The following SNX8 variants were observed in gnomAD, a reference collection of about 807,000 sequenced individuals.
SNX8 encodes the protein sorting nexin-8.
In SNX8, 25 loss-of-function variants were observed where a neutral mutation model predicts 51.6. That is an observed-to-expected ratio of 0.48 (90% CI 0.35 to 0.68). The LOEUF (loss-of-function observed/expected upper bound fraction) is 0.68, where lower values mean the gene tolerates loss of function less well. SNX8 is among the 30% of genes least tolerant of loss of function. The probability of loss-of-function intolerance (pLI) is 0.00; values close to 1 mark genes in which losing one functional copy is unlikely to be tolerated. For synonymous variants in SNX8, 324 were observed against 277.0 expected, an observed-to-expected ratio of 1.17 and a Z score of -1.68; for missense variants, 695 against 624.0, an observed-to-expected ratio of 1.11 and a Z score of -1.21.
At chr7:2,261,373 C>CA (rs1367720928) in intron 7 of SNX8, among the ~76,000 whole-genome samples, 1 of 152,126 alleles carries the variant, frequency 6.6e-6, no homozygotes, top group Non-Finnish European at 1.5e-5. Context: ...GCAGAGGTTG[C>CA]AGTGAGCCGA....
chr7:2,341,162 C>T (rs1282479895), intron 1 of SNX8, among the ~76,000 whole-genome samples: 1 of 142,254 alleles, frequency 7.0e-6, no homozygotes, highest in Non-Finnish European at 1.5e-5. Flanking sequence ...TCCAGATCTT[C>T]TCTTAAAAAA....
intron 2 of SNX8, among the ~76,000 whole-genome samples, chr7:2,276,937 C>A (rs150591719): frequency 3.3e-5 from 5 of 152,150 alleles, no homozygotes; most frequent in Non-Finnish European, 5.9e-5. Context: ...AGAGCAATAC[C>A]CTGTCTCTTT....
chr7:2,320,807 G>A (rs1400533727), intron 1 of SNX8, among the ~76,000 whole-genome samples: 1 of 151,930 alleles, frequency 6.6e-6, no homozygotes. Flanking sequence ...GATCACCTGA[G>A]GTCAGGAGTT....
chr7:2,255,191 C>CAAG (rs1386134791), intron 10 of SNX8, 22 bp from the exon 11 acceptor site: 1 of 1,452,612 alleles, frequency 6.9e-7, no homozygotes, highest in African/African-American at 1.4e-5. Flanking sequence ...GCGAAGAGAA[C>CAAG]AAGATCAGCA....
At chr7:2,255,214 G>A (rs1418627350) in intron 10 of SNX8, 45 bp from the exon 11 acceptor site, 2 of 1,267,678 alleles carry the variant, frequency 1.6e-6, no homozygotes, top group Non-Finnish European at 1.1e-6. Context: ...CGGGGCCGGG[G>A]CTCCTCCTCA....
At chr7:2,336,957 C>T (rs914620508) in intron 1 of SNX8, among the ~76,000 whole-genome samples, 2 of 151,370 alleles carry the variant, frequency 1.3e-5, no homozygotes, top group African/African-American at 2.4e-5. Context: ...TGCAGTGAGC[C>T]GAGACTGCGT....
chr7:2,323,732 C>T (rs570624926), intron 1 of SNX8, among the ~76,000 whole-genome samples: 29 of 152,218 alleles, frequency 1.9e-4, no homozygotes, highest in Non-Finnish European at 3.7e-4. Flanking sequence ...CCTGGCACGC[C>T]AGAAGCCAGG....
intron 7 of SNX8, 119 bp from the exon 8 acceptor site, chr7:2,257,922 C>T: frequency 3.3e-6 from 3 of 904,996 alleles, no homozygotes; most frequent in Non-Finnish European, 3.5e-6. Context: ...GACGGGCTCC[C>T]CAGGACCACC....
chr7:2,269,280 C>T (rs1046452413), intron 5 of SNX8, among the ~76,000 whole-genome samples: 4 of 151,300 alleles, frequency 2.6e-5, no homozygotes, highest in Non-Finnish European at 5.9e-5. Context: ...AAGGGCGGTG[C>T]AGGATGTGCT....
chr7:2,269,687 A>C, intron 4 of SNX8, 48 bp from the exon 5 acceptor site: 1 of 1,322,064 alleles, frequency 7.6e-7, no homozygotes, highest in South Asian at 1.3e-5. Context: ...TAGCAGCAAG[A>C]AAGCTGCTGT....
chr7:2,328,407 G>C (rs1583115481), intron 1 of SNX8, among the ~76,000 whole-genome samples: 1 of 152,174 alleles, frequency 6.6e-6, no homozygotes, highest in East Asian at 1.9e-4. Context: ...GCCCAGGCTG[G>C]TCTTCAACTC....
intron 1 of SNX8, among the ~76,000 whole-genome samples, chr7:2,327,246 CTTTTT>C (rs1778637717): frequency 2.0e-5 from 3 of 151,738 alleles, no homozygotes; most frequent in South Asian, 2.1e-4. Flanking sequence ...CTTTTATTTT[CTTTTT>C]TGTTTTGAGA....
At chr7:2,339,340 G>A (rs1380149585) in intron 1 of SNX8, among the ~76,000 whole-genome samples, 1 of 152,022 alleles carries the variant, frequency 6.6e-6, no homozygotes, top group Admixed American at 6.6e-5. Flanking sequence ...CGAGTAGCTG[G>A]GACTACAGGC....
rs557516079 is a variant in SNX8 at position 2,272,743 on chromosome 7, G to A, written c.419-772C>T. Among the ~76,000 whole-genome samples the A allele has an allele frequency of 5.9e-5, 9 of 152,104 alleles. No homozygotes were observed. In the East Asian group the frequency reaches 1.2e-3, roughly 20 times the overall value. On this transcript the variant is annotated intron_variant, in intron 3 of 10. Coordinates refer to ENST00000222990, the MANE Select transcript of SNX8 (RefSeq NM_013321.4). ...ATGCAATTACTCATTGCTTTCATTC[G>A]GGTTAAATATTTTCACTCCAAGGGG...
At chr7:2,339,449 T>C (rs1490803027) in intron 1 of SNX8, among the ~76,000 whole-genome samples, 1 of 150,738 alleles carries the variant, frequency 6.6e-6, no homozygotes. Flanking sequence ...GACCTCATGA[T>C]CCACCCACCC....
At chr7:2,306,915 G>A (rs1201353162) in intron 1 of SNX8, among the ~76,000 whole-genome samples, 1 of 152,094 alleles carries the variant, frequency 6.6e-6, no homozygotes, top group Non-Finnish European at 1.5e-5. Flanking sequence ...TAACGTAACT[G>A]GGCTTCTTGA....
intron 3 of SNX8, among the ~76,000 whole-genome samples, chr7:2,274,207 G>C (rs936847511): frequency 6.6e-6 from 1 of 152,196 alleles, no homozygotes; most frequent in South Asian, 2.1e-4. Context: ...CTTCACATGC[G>C]GCGGGGTGAA....
intron 3 of SNX8, among the ~76,000 whole-genome samples, chr7:2,274,351 C>T (rs115746535): frequency 4.6e-4 from 70 of 152,362 alleles, no homozygotes; most frequent in African/African-American, 1.6e-3. Flanking sequence ...CCGTCCAGGA[C>T]ACGGTGACTG....
chr7:2,271,167 C>A (rs553751782), intron 4 of SNX8, among the ~76,000 whole-genome samples: 1 of 152,362 alleles, frequency 6.6e-6, no homozygotes, highest in Non-Finnish European at 1.5e-5. Flanking sequence ...CCTCAGCCTC[C>A]CAAGTGACTG....
Sources: allele counts gnomAD v4.1 joint callset (sites outside exome capture counted in the v4.1 genomes callset), GRCh38; gene constraint gnomAD v4.1.1; transcripts MANE v1.5; gene names NCBI Gene and HGNC (gene_info 2026-07-23, HGNC 2026-07-21).